The following CDH2 variants were observed in gnomAD, a reference collection of about 807,000 sequenced individuals.
CDH2 encodes cadherin-2.
CDH2 carries 17 observed loss-of-function variants against 92.0 expected under a neutral mutation model. The observed-to-expected ratio is 0.18, with a 90% CI of 0.13 to 0.28. The LOEUF (loss-of-function observed/expected upper bound fraction) is 0.28. CDH2 is among the 10% of genes least tolerant of loss of function. The pLI is 1.00. For synonymous variants in CDH2, 419 were observed against 415.9 expected, an observed-to-expected ratio of 1.01 and a Z score of -0.09; for missense variants, 862 against 1,133.1, an observed-to-expected ratio of 0.76 and a Z score of 3.44.
chr18:28,019,211 G>A (rs986911750), intron 2 of CDH2, among the ~76,000 whole-genome samples: 46 of 151,746 alleles, frequency 3.0e-4, no homozygotes, highest in African/African-American at 1.1e-3. Context: ...TCGGGTGATG[G>A]GTGCATCCAA....
Position 28,070,861 on chromosome 18 carries a change from G to A in CDH2, c.173-56952C>T, listed in dbSNP as rs533915237. ...GAGCAATCCATCAGTGGTAGGATTC[G>A]AATTAAATTACAATTCGATTTTACT... On this transcript the variant is annotated intron_variant, in intron 2 of 15. Coordinates refer to ENST00000269141, the MANE Select transcript of CDH2 (RefSeq NM_001792.5). Among the ~76,000 whole-genome samples the A allele has an allele frequency of 3.3e-5, 5 of 152,182 alleles. No individual in the cohort carries two copies. The South Asian group carries it at 1.0e-3, about 31-fold the overall frequency.
intron 14 of CDH2, among the ~76,000 whole-genome samples, chr18:27,971,587 A>C (rs2011661212): frequency 2.0e-5 from 3 of 152,178 alleles, no homozygotes; most frequent in Non-Finnish European, 1.5e-5. Flanking sequence ...TTCAGAACAC[A>C]TGCTTTTACA....
chr18:28,119,298 T>C (rs1164233733), intron 2 of CDH2, among the ~76,000 whole-genome samples: 7 of 152,098 alleles, frequency 4.6e-5, no homozygotes, highest in Non-Finnish European at 1.0e-4. Flanking sequence ...GTATATCCCA[T>C]GCACAGCCTG....
At chr18:27,952,481 A>G (rs570714769) in intron 15 of CDH2, 122 bp from the exon 16 acceptor site, 2 of 739,304 alleles carry the variant, frequency 2.7e-6, no homozygotes, top group African/African-American at 1.8e-5. Flanking sequence ...TTCCATTTAC[A>G]TACCATATTT....
rs769367719 is a variant in CDH2, at chr18:27,963,405, G to A, written c.2466C>T (p.Val822=). The change falls in exon 15 of 16, where the codon GTC becomes GTT. Residue 822 remains valine, a synonymous_variant. Transcript: ENST00000269141. ...CTCCAGGGTGTGGGGCTGCAGATCG[G>A]ACCGGATACTGGGGCTCGGCGTGGA... ...RPIHAEPQYP[V]RSAAPHPGDI... is the part of the protein sequence containing the mutation. 1 of 1,614,074 alleles carries A rather than the reference G, an allele frequency of 6.2e-7. No homozygotes were observed. Among genetic ancestry groups the A allele is most frequent in the Non-Finnish European group, 8.5e-7 (1 of 1,180,018 alleles).
chr18:28,100,246 G>T (rs751132095), intron 2 of CDH2, among the ~76,000 whole-genome samples: 16 of 152,126 alleles, frequency 1.1e-4, no homozygotes, highest in Non-Finnish European at 2.2e-4. Context: ...CTTTAATGTG[G>T]GTGAGGTTCA....
chr18:28,014,616 A>G (rs528909097), intron 2 of CDH2, among the ~76,000 whole-genome samples: 4 of 152,266 alleles, frequency 2.6e-5, no homozygotes, highest in Admixed American at 1.3e-4. Flanking sequence ...AATTTTAAAC[A>G]AATAAAAATA....
intron 2 of CDH2, among the ~76,000 whole-genome samples, chr18:28,029,004 T>TATC (rs2013627214): frequency 6.6e-6 from 1 of 152,160 alleles, no homozygotes; most frequent in African/African-American, 2.4e-5. Context: ...TGTGAAATAT[T>TATC]ATCATGTAAC....
At chr18:27,969,975 G>A (rs1332482290) in intron 14 of CDH2, among the ~76,000 whole-genome samples, 1 of 152,164 alleles carries the variant, frequency 6.6e-6, no homozygotes, top group Non-Finnish European at 1.5e-5. Context: ...ACTCCAGCCT[G>A]GGCGACAACA....
At chr18:28,095,964 G>T (rs904581043) in intron 2 of CDH2, among the ~76,000 whole-genome samples, 19 of 152,252 alleles carry the variant, frequency 1.2e-4, no homozygotes, top group Admixed American at 4.6e-4. Flanking sequence ...GAATTATGGT[G>T]CATCCTAACA....
rs774753336 is a variant in CDH2 at position 27,993,512 on chromosome 18, A to G, written c.1146T>C (p.Phe382=). 35 of 1,613,884 alleles carry G rather than the reference A, an allele frequency of 2.2e-5. No homozygotes were observed. The East Asian group carries it at 7.8e-4, about 36-fold the overall frequency. ...AGGCTGTACTCACCGTCATGGCAGT[A>G]AACTCTGGAGGATTGTCATTGACAT... ...VTDVNDNPPE[F]TAMTFYGEVP... Residue 382 remains phenylalanine (F), a synonymous_variant, in exon 8 of 16, where the codon TTT becomes TTC. Transcript: ENST00000269141.
intron 2 of CDH2, among the ~76,000 whole-genome samples, chr18:28,055,789 A>ATGGTTTTGTATGGTG (rs2014280923): frequency 1.3e-5 from 2 of 152,184 alleles, no homozygotes; most frequent in Non-Finnish European, 2.9e-5. Flanking sequence ...CAAAGAAGCT[A>ATGGTTTTGTATGGTG]CATATATTAT....
At chr18:28,032,283 T>C (rs1168382246) in intron 2 of CDH2, among the ~76,000 whole-genome samples, 1 of 152,126 alleles carries the variant, frequency 6.6e-6, no homozygotes, top group African/African-American at 2.4e-5. Context: ...ATGTATTACA[T>C]CCTCTCAAAA....
rs1434663670 is a variant in CDH2 at position 28,176,982 on chromosome 18, A to G, written c.41T>C (p.Leu14Pro). The change falls in exon 1 of 16, where the codon CTG (leucine) becomes CCG (proline). Residue 14 changes from leucine (L) to proline (P), a missense_variant. By Grantham distance (98) the Leu-to-Pro change is moderately conservative. Transcript: ENST00000269141. ...IAGALRTLLP[L>P]LAALLQASVE... ...GCGTACCTGAAGCAGGGCCGCCAGC[A>G]GCGGCAGCAGGGTCCGCAGCGCTCC... 7.0e-7 allele frequency: 1 copy of G among 1,437,606 alleles called. No individual in the cohort carries two copies. The highest frequency in any genetic ancestry group is 2.4e-5 in the Admixed American group (1 of 42,502). 89.1% of individuals were successfully genotyped at this position (1,437,606 alleles called of 1,614,324 possible).
intron 2 of CDH2, among the ~76,000 whole-genome samples, chr18:28,094,306 G>A (rs745555391): frequency 6.6e-6 from 1 of 151,910 alleles, no homozygotes; most frequent in African/African-American, 2.4e-5. Context: ...GGCCATCATG[G>A]TGAAACTCTG....
chr18:27,996,557 A>G (rs1238461877), intron 7 of CDH2, among the ~76,000 whole-genome samples: 1 of 152,184 alleles, frequency 6.6e-6, no homozygotes, highest in Non-Finnish European at 1.5e-5. Flanking sequence ...TGTCCTCAGG[A>G]CAGAGCCCTT....
At chr18:27,975,012 C>T (rs769655533) in intron 14 of CDH2, among the ~76,000 whole-genome samples, 2 of 152,100 alleles carry the variant, frequency 1.3e-5, no homozygotes, top group African/African-American at 2.4e-5. Context: ...AAACAAAACA[C>T]CCCAATGAAC....
chr18:28,071,956 A>C (rs1334158903), intron 2 of CDH2, among the ~76,000 whole-genome samples: 1 of 152,190 alleles, frequency 6.6e-6, no homozygotes, highest in Non-Finnish European at 1.5e-5. Flanking sequence ...CTCAAGTTAC[A>C]ATAGAGATAA....
chr18:28,102,897 A>T (rs1347215067), intron 2 of CDH2, among the ~76,000 whole-genome samples: 2 of 151,972 alleles, frequency 1.3e-5, no homozygotes, highest in Non-Finnish European at 2.9e-5. Context: ...ACTGCAATTA[A>T]AACTGGTTTC....
Sources: allele counts gnomAD v4.1 joint callset (sites outside exome capture counted in the v4.1 genomes callset), GRCh38; gene constraint gnomAD v4.1.1; transcripts MANE v1.5; gene names NCBI Gene and HGNC (gene_info 2026-07-23, HGNC 2026-07-21).